ASGR2: variants seen among roughly 807,000 people sequenced by gnomAD.
ASGR2 encodes C-type lectin domain family 4 member H2.
A neutral mutation model predicts 32.3 loss-of-function variants in ASGR2; 34 were observed. The ratio of observed to expected loss-of-function variants is 1.05; its 90% confidence interval spans 0.80 to 1.40. ASGR2 has a LOEUF of 1.40. Ranked by LOEUF, ASGR2 falls within the 40% of genes most tolerant of loss-of-function variation. ASGR2 has a pLI of 0.00. For synonymous variants in ASGR2, 143 were observed against 150.0 expected (o/e 0.95, Z 0.34); for missense variants, 385 against 386.4 (o/e 1.00, Z 0.03).
In ASGR2 at chr17:7,108,038, G is replaced by T; in HGVS notation, c.338-131C>A. 1.1e-6 allele frequency: 1 copy of T among 950,978 alleles called. No homozygotes were observed. The highest frequency in any genetic ancestry group is 1.6e-6 in the Non-Finnish European group (1 of 632,174). The allele number at this position is 950,978 out of a possible 1,614,324, so 58.9% of individuals were successfully genotyped here. On this transcript the variant is annotated intron_variant, in intron 4 of 8. Coordinates refer to ENST00000691900, the MANE Select transcript of ASGR2 (RefSeq NM_001201352.2). This position sits in a 1 kb window ranked among gnomAD's most constrained non-coding sequence, Gnocchi z 4.9. ...TCCTGGCTTCCTGGACCACACCCAG[G>T]CTCCCTGCACTGCCACAGTGGCTCA...
chr17:7,102,360 C>G (rs1037840894), intron 7 of ASGR2, among the ~76,000 whole-genome samples, 164 bp from the exon 8 acceptor site: 2 of 152,214 alleles, frequency 1.3e-5, no homozygotes, highest in Non-Finnish European at 2.9e-5. Context: ...TCTTCCGTCA[C>G]TCTAGCTACT....
rs1301764067 is a variant in ASGR2 at position 7,106,992 on chromosome 17, G to C, written c.648+8C>G. The C allele has an allele frequency of 1.9e-6, 3 of 1,614,028 alleles. No homozygotes were observed. Among genetic ancestry groups the C allele is most frequent in the Non-Finnish European group, 2.5e-6 (3 of 1,179,946 alleles). ...GCTTCCTCCTGCCTGTGGGAAGCGT[G>C]GCCTCACCTGCTCCTCCCAGGAGTT... On this transcript the variant is annotated splice_region_variant and intron_variant, in intron 7 of 8. Coordinates refer to ENST00000691900, the MANE Select transcript of ASGR2 (RefSeq NM_001201352.2).
intron 2 of ASGR2, among the ~76,000 whole-genome samples, chr17:7,112,846 A>G (rs1439769762): frequency 6.6e-6 from 1 of 151,748 alleles, no homozygotes; most frequent in Non-Finnish European, 1.5e-5. Context: ...TCCTGCCTCC[A>G]TGGAACCCGG....
chr17:7,107,264 C>T lies in ASGR2; in HGVS notation c.463G>A (p.Val155Met), dbSNP rs376618652. The T allele has an allele frequency of 1.5e-5, 24 of 1,613,968 alleles. No individual in the cohort carries two copies. Among genetic ancestry groups the T allele is most frequent in the Non-Finnish European group, 1.9e-5 (22 of 1,180,030 alleles). ...TGGAGGAGCTCCATCTGGCAGGCCA[C>T]GAAGCGCAGGTCCACGGGGAAGTGC... ...LKHFPVDLRF[V>M]ACQMELLHSN... is the part of the protein sequence containing the mutation. Residue 155 changes from valine (V) to methionine (M), a missense_variant, in exon 6 of 9, where the codon GTG becomes ATG. Coordinates refer to ENST00000691900, the MANE Select transcript of ASGR2 (RefSeq NM_001201352.2). This position sits in a 1 kb window ranked among gnomAD's most constrained non-coding sequence, Gnocchi z 5.0.
intron 7 of ASGR2, among the ~76,000 whole-genome samples, chr17:7,105,324 C>T (rs182792403): frequency 7.1e-4 from 107 of 150,700 alleles, no homozygotes; most frequent in African/African-American, 2.5e-3. Context: ...AAATGAGACA[C>T]TCACCTATTA....
rs1014501705 is a variant in ASGR2 at position 7,101,370 on chromosome 17, C to T, written c.*205G>A. The T allele has an allele frequency of 1.1e-4, 67 of 596,604 alleles. No individual in the cohort carries two copies. The highest frequency in any genetic ancestry group is 1.5e-4 in the Admixed American group (5 of 32,372). 37.0% of individuals were successfully genotyped at this position (596,604 alleles called of 1,614,324 possible). A position where few individuals can be genotyped will look rare whatever the true frequency, so the allele number is the denominator to read the frequency against. ...TTTCCTACGCCATTGAAGAGGCTGA[C>T]GATTATAATAATTACAATGAATTAC... On this transcript the variant is annotated 3_prime_UTR_variant, in exon 9 of 9. Transcript: ENST00000691900.
Position 7,107,686 on chromosome 17 carries a change from T to TA in ASGR2, c.409+149dup, listed in dbSNP as rs1913978156. 2.0e-6 allele frequency: 2 copies of TA among 976,016 alleles called. No homozygotes were observed. The allele number at this position is 976,016 out of a possible 1,614,324, so 60.5% of individuals were successfully genotyped here. On this transcript the variant is annotated intron_variant, in intron 5 of 8. Coordinates refer to ENST00000691900, the MANE Select transcript of ASGR2 (RefSeq NM_001201352.2). The surrounding 1 kb of genome is among the most constrained non-coding windows in gnomAD (Gnocchi z 5.0). Reference sequence around the variant, plus strand: ...GATCCATGACATATCACACCACACATACGGAGAGAGACACAGATACACATG... The same window carrying TA: ...GATCCATGACATATCACACCACACATAACGGAGAGAGACACAGATACACATG...
intron 2 of ASGR2, among the ~76,000 whole-genome samples, chr17:7,111,642 C>T (rs920473162): frequency 1.2e-4 from 18 of 144,144 alleles, no homozygotes; most frequent in Non-Finnish European, 6.0e-5. Flanking sequence ...GGCAACAGAG[C>T]GAGACTCCGC....
At position 7,113,798 on chromosome 17, in the gene ASGR2, ACT is replaced by A. The variant is rs201275470; in HGVS notation, c.124+317_124+318del. Among the ~76,000 whole-genome samples the A allele has an allele frequency of 2.0e-5, 2 of 99,890 alleles. No homozygotes were observed. The highest frequency in any genetic ancestry group is 7.4e-5 in the African/African-American group (2 of 27,032). The allele number at this position is 99,890 out of a possible 152,430, so 65.5% of individuals were successfully genotyped here. On this transcript the variant is annotated intron_variant, in intron 2 of 8. Coordinates refer to ENST00000691900, the MANE Select transcript of ASGR2 (RefSeq NM_001201352.2). The surrounding 1 kb of genome is among the most constrained non-coding windows in gnomAD (Gnocchi z 5.1). ...GCACATATACACACACACAACATTC[ACT>A]CACACACACACACAGAGTCCCAGCT...
rs1567773371 is a variant in ASGR2 at position 7,113,387 on chromosome 17, C to CACACAACACACACACTCACAACAT, written c.124+729_124+730insATGTTGTGAGTGTGTGTGTTGTGT. Among the ~76,000 whole-genome samples the CACACAACACACACACTCACAACAT allele has an allele frequency of 9.4e-6, 1 of 105,934 alleles. No homozygotes were observed. The highest frequency in any genetic ancestry group is 2.4e-5 in the Non-Finnish European group (1 of 41,138). The allele number at this position is 105,934 out of a possible 152,430, so 69.5% of individuals were successfully genotyped here. Reference sequence around the variant, plus strand: ...ACATACATAACACACTCACAACATACACACACAACACACACACTCGCACAA... The same window carrying CACACAACACACACACTCACAACAT: ...ACATACATAACACACTCACAACATACACACAACACACACACTCACAACATACACACAACACACACACTCGCACAA... On this transcript the variant is annotated intron_variant, in intron 2 of 8. Coordinates refer to ENST00000691900, the MANE Select transcript of ASGR2 (RefSeq NM_001201352.2). The surrounding 1 kb of genome is among the most constrained non-coding windows in gnomAD (Gnocchi z 5.1).
In ASGR2 at chr17:7,107,122, A is replaced by T. The variant is rs747069320; in HGVS notation, c.526T>A (p.Trp176Arg). ...GSQRTCCPVN[W>R]VEHQGSCYWF... The stretch of plus-strand genomic sequence containing the variant: ...TAGCAGCTGCCTTGGTGCTCCACCC[A>T]GTTGACGGGGCAGCAGGTCCTTTGG... Residue 176 changes from tryptophan to arginine, a missense_variant, in exon 7 of 9, where the codon TGG becomes AGG. Trp to Arg is a moderately radical substitution (Grantham distance 101). Transcript: ENST00000691900. The surrounding 1 kb of genome is among the most constrained non-coding windows in gnomAD (Gnocchi z 5.0). The T allele has an allele frequency of 2.5e-6, 4 of 1,614,050 alleles. No individual in the cohort carries two copies. The Admixed American group carries it at 6.7e-5, about 27-fold the overall frequency.
intron 7 of ASGR2, 24 bp downstream of exon 7, chr17:7,106,976 T>C (rs1913796055): frequency 6.2e-7 from 1 of 1,612,826 alleles, no homozygotes; most frequent in Non-Finnish European, 8.5e-7. Context: ...GGCTTCCTCC[T>C]GCCTGTGGGA....
In ASGR2 at chr17:7,107,289, C is replaced by T; in HGVS notation, c.438G>A (p.Lys146=). ...CGAAGCGCAGGTCCACGGGGAAGTG[C>T]TTCAGATGGAAGAGCAGGGCATCGT... ...ADHDALLFHL[K]HFPVDLRFVA... is the part of the protein sequence containing the mutation. Residue 146 remains lysine (K), a synonymous_variant, in exon 6 of 9, where the codon AAG becomes AAA. Transcript: ENST00000691900. The surrounding 1 kb of genome is among the most constrained non-coding windows in gnomAD (Gnocchi z 5.0). 6.2e-7 allele frequency: 1 copy of T among 1,613,852 alleles called. No homozygotes were observed.
rs952116101 is a variant in ASGR2 at position 7,113,437 on chromosome 17, AAC to A, written c.124+678_124+679del. Among the ~76,000 whole-genome samples the A allele has an allele frequency of 1.8e-4, 27 of 149,716 alleles. No homozygotes were observed. Among genetic ancestry groups the A allele is most frequent in the African/African-American group, 5.9e-4 (24 of 40,500 alleles). On this transcript the variant is annotated intron_variant, in intron 2 of 8. Coordinates refer to ENST00000691900, the MANE Select transcript of ASGR2 (RefSeq NM_001201352.2). The surrounding 1 kb of genome is among the most constrained non-coding windows in gnomAD (Gnocchi z 5.1). ...ACATACACACACGCACAACATACAC[AAC>A]ACTCACACAACACACAAACATACAT...
In ASGR2 at chr17:7,110,362, G is replaced by A. The variant is rs148650416; in HGVS notation, c.125-1474C>T. ...CCATCCAGAAGCGCTCCATGACCACGGTGTTCCCCACCAAGCTGGCCCTCC... is the reference window on the plus strand; with the variant it reads ...CCATCCAGAAGCGCTCCATGACCACAGTGTTCCCCACCAAGCTGGCCCTCC... On this transcript the variant is annotated intron_variant, in intron 2 of 8. Transcript: ENST00000691900. Among the ~76,000 whole-genome samples, 416 of 143,540 alleles carry A rather than the reference G, an allele frequency of 2.9e-3. 1 individual carries two copies. Among genetic ancestry groups the A allele is most frequent in the South Asian group, 5.0e-3 (21 of 4,188 alleles). The allele number at this position is 143,540 out of a possible 152,430, so 94.2% of individuals were successfully genotyped here. A position where few individuals can be genotyped will look rare whatever the true frequency, so the allele number is the denominator to read the frequency against.
rs1222416694 is a variant in ASGR2, at chr17:7,108,572, G to A, written c.242-15C>T. On this transcript the variant is annotated splice_polypyrimidine_tract_variant and intron_variant, in intron 3 of 8. Coordinates refer to ENST00000691900, the MANE Select transcript of ASGR2 (RefSeq NM_001201352.2). This position sits in a 1 kb window ranked among gnomAD's most constrained non-coding sequence, Gnocchi z 4.9. ...CAGCTGTGCACCTTGTCAGGTGGTA[G>A]TGGGGGCAGGATGAGGCAGAGGGGC... The A allele has an allele frequency of 3.1e-6, 5 of 1,606,380 alleles. No individual in the cohort carries two copies. Among genetic ancestry groups the A allele is most frequent in the Non-Finnish European group, 4.2e-6 (5 of 1,176,994 alleles).
At position 7,102,165 on chromosome 17, in the gene ASGR2, T is replaced by C. The variant is rs766532958; in HGVS notation, c.680A>G (p.Asn227Ser). Residue 227 changes from asparagine to serine, a missense_variant, in exon 8 of 9, where the codon AAT becomes AGT. Asn to Ser is a conservative substitution (Grantham distance 46). Coordinates refer to ENST00000691900, the MANE Select transcript of ASGR2 (RefSeq NM_001201352.2). ...ACTGTCCGTGAGACCTATCCAGGTA[T>C]TGAAGGGGTTCGTGTGTTGTACAAT... The part of the protein sequence containing the change: ...KFIVQHTNPF[N>S]TWIGLTDSDG... 7 of 1,614,084 alleles carry C rather than the reference T, an allele frequency of 4.3e-6. No individual in the cohort carries two copies. Among genetic ancestry groups the C allele is most frequent in the Middle Eastern group, 1.6e-4 (1 of 6,084 alleles).
chr17:7,107,152 C>CT lies in ASGR2; in HGVS notation c.497-2dup, dbSNP rs758542787. 1.9e-6 allele frequency: 3 copies of CT among 1,614,052 alleles called. No individual in the cohort carries two copies. In the African/African-American group the frequency reaches 4.0e-5, roughly 22 times the overall value. On this transcript the variant is annotated splice_acceptor_variant, in intron 6 of 8. Coordinates refer to ENST00000691900, the MANE Select transcript of ASGR2 (RefSeq NM_001201352.2). LOFTEE classifies it high-confidence loss of function. This position sits in a 1 kb window ranked among gnomAD's most constrained non-coding sequence, Gnocchi z 5.0. ...ACGGGGCAGCAGGTCCTTTGGGAGC[C>CT]TGAGGGGACAGGGGGCAGGGAGATG...
chr17:7,102,038 G>A, intron 8 of ASGR2, 52 bp downstream of exon 8: 1 of 1,556,318 alleles, frequency 6.4e-7, no homozygotes, highest in Non-Finnish European at 8.9e-7. Context: ...GAAAGGCCAG[G>A]GGGCTGTCCC....
Sources: allele counts gnomAD v4.1 joint callset (sites outside exome capture counted in the v4.1 genomes callset), GRCh38; gene constraint gnomAD v4.1.1; non-coding constraint Gnocchi (gnomAD v3.1); transcripts MANE v1.5; gene names NCBI Gene and HGNC (gene_info 2026-07-23, HGNC 2026-07-21).